LMO2: variants seen among roughly 807,000 people sequenced by gnomAD.
LMO2 encodes the protein LIM domain only 2.
In LMO2, 20 loss-of-function variants were observed where a neutral mutation model predicts 23.2. The observed-to-expected ratio is 0.86, with a 90% CI of 0.61 to 1.25. The LOEUF is 1.25. Among genes scored for constraint, LMO2 ranks in the 50% most tolerant of loss-of-function variants. The pLI is 0.00. For synonymous variants in LMO2, 123 were observed against 130.2 expected (o/e 0.94, Z 0.38); for missense variants, 270 against 315.3 (o/e 0.86, Z 1.09).
chr11:33,879,288 T>C (rs1349057122), intron 2 of LMO2, among the ~76,000 whole-genome samples: 4 of 152,012 alleles, frequency 2.6e-5, no homozygotes, highest in Non-Finnish European at 5.9e-5. Context: ...AATGGAATAA[T>C]ATATTTACAA....
intron 4 of LMO2, chr11:33,865,023 C>T (rs1020177241): frequency 4.1e-5 from 25 of 614,974 alleles, no homozygotes; most frequent in Non-Finnish European, 8.8e-6. Context: ...AGACCTTACT[C>T]CCTAGATGTC....
In LMO2 at chr11:33,859,311, G is replaced by A. The variant is rs1422271485; in HGVS notation, c.*45C>T. 5 of 1,435,424 alleles carry A rather than the reference G, an allele frequency of 3.5e-6. No individual in the cohort carries two copies. In the South Asian group the frequency reaches 4.7e-5, roughly 13 times the overall value. 88.9% of individuals were successfully genotyped at this position (1,435,424 alleles called of 1,614,324 possible). On this transcript the variant is annotated 3_prime_UTR_variant, in exon 6 of 6. Coordinates refer to ENST00000257818, the MANE Select transcript of LMO2 (RefSeq NM_005574.4). Reference sequence around the variant, plus strand: ...TGAAGACGAAGATGCCATGGAGACGGCGTCTTCAGTGAACACCTCCCCAAA... The same window carrying A: ...TGAAGACGAAGATGCCATGGAGACGACGTCTTCAGTGAACACCTCCCCAAA...
chr11:33,872,567 G>A (rs886225339), intron 2 of LMO2, among the ~76,000 whole-genome samples: 3 of 152,110 alleles, frequency 2.0e-5, no homozygotes, highest in African/African-American at 7.2e-5. Flanking sequence ...TAAATTTAAA[G>A]GTGAAATGGG....
chr11:33,879,852 C>T (rs767745377), intron 2 of LMO2, among the ~76,000 whole-genome samples: 1 of 152,130 alleles, frequency 6.6e-6, no homozygotes, highest in Non-Finnish European at 1.5e-5. Context: ...TTAACAAGTA[C>T]TGGTGAGGAT....
chr11:33,890,673 G>A (rs1193657095), intron 1 of LMO2, among the ~76,000 whole-genome samples: 1 of 152,146 alleles, frequency 6.6e-6, no homozygotes, highest in African/African-American at 2.4e-5. Flanking sequence ...TAAAAACCTA[G>A]AGGTGAGTAA....
At chr11:33,861,964 C>A (rs991950770) in intron 5 of LMO2, among the ~76,000 whole-genome samples, 2 of 152,104 alleles carry the variant, frequency 1.3e-5, no homozygotes, top group African/African-American at 4.8e-5. Context: ...CTCTGGGATT[C>A]GGAGATTCTA....
chr11:33,859,440 T>C lies in LMO2; in HGVS notation c.600A>G (p.Val200=). 2.5e-6 allele frequency: 4 copies of C among 1,614,098 alleles called. No homozygotes were observed. Among genetic ancestry groups the C allele is most frequent in the Non-Finnish European group, 3.4e-6 (4 of 1,179,976 alleles). ...KCAACQKHFC[V]GDRYLLINSD... is the part of the protein sequence containing the mutation. ...AGTTGATGAGGAGGTATCTGTCACC[T>C]ACACAGAAATGCTTCTGACAGGCGG... Residue 200 remains valine, a synonymous_variant, in exon 6 of 6, where the codon GTA becomes GTG. Coordinates refer to ENST00000257818, the MANE Select transcript of LMO2 (RefSeq NM_005574.4).
At chr11:33,887,609 A>G (rs1857444078) in intron 1 of LMO2, among the ~76,000 whole-genome samples, 1 of 145,900 alleles carries the variant, frequency 6.9e-6, no homozygotes, top group African/African-American at 2.6e-5. Flanking sequence ...CAGTGGTGAT[A>G]CTGTGGTTCA....
intron 2 of LMO2, chr11:33,870,975 C>T (rs1857004966): frequency 1.3e-6 from 1 of 754,686 alleles, no homozygotes; most frequent in Non-Finnish European, 1.6e-6. Flanking sequence ...AAAATATCTG[C>T]GTTCAGAAGC....
intron 1 of LMO2, among the ~76,000 whole-genome samples, chr11:33,889,435 G>A (rs2133721055): frequency 6.6e-6 from 1 of 152,318 alleles, no homozygotes; most frequent in Non-Finnish European, 1.5e-5. Flanking sequence ...GAGCAGTTCT[G>A]TTGTGCCAGA....
At chr11:33,866,148 G>A (rs1045922316) in intron 4 of LMO2, among the ~76,000 whole-genome samples, 2 of 152,216 alleles carry the variant, frequency 1.3e-5, no homozygotes, top group East Asian at 1.9e-4. Flanking sequence ...TTGGGGACAG[G>A]AGGCTAGGTG....
intron 1 of LMO2, among the ~76,000 whole-genome samples, chr11:33,890,188 T>TGATATCAATCTGGTGATAGATATCAATA (rs1255200143): frequency 1.3e-3 from 204 of 152,088 alleles, no homozygotes; most frequent in African/African-American, 4.7e-3. Context: ...TACAATGTGG[T>TGATATCAATCTGGTGATAGATATCAATA]GATATCAATC....
intron 1 of LMO2, among the ~76,000 whole-genome samples, chr11:33,886,664 T>C (rs181065533): frequency 6.6e-5 from 10 of 152,336 alleles, no homozygotes; most frequent in African/African-American, 1.9e-4. Context: ...GGCATCTGTA[T>C]CCCACAGCTG....
At chr11:33,877,098 G>A (rs76178992) in intron 2 of LMO2, among the ~76,000 whole-genome samples, 9,263 of 152,238 alleles carry the variant, frequency 0.061, 718 homozygotes, top group East Asian at 0.18. Context: ...AGTAAGGTGG[G>A]GTCAACATTC....
chr11:33,866,505 A>G (rs1487815264), intron 4 of LMO2, among the ~76,000 whole-genome samples: 1 of 152,154 alleles, frequency 6.6e-6, no homozygotes, highest in African/African-American at 2.4e-5. Context: ...GCTTGGTGGC[A>G]TGAGCCAGTA....
chr11:33,870,897 G>T, intron 2 of LMO2: 1 of 209,160 alleles, frequency 4.8e-6, no homozygotes, highest in Non-Finnish European at 8.3e-6. Context: ...GAGGGGAAGC[G>T]GGGGAGGCTA....
chr11:33,865,713 T>C (rs981629437), intron 4 of LMO2, among the ~76,000 whole-genome samples: 2 of 152,246 alleles, frequency 1.3e-5, no homozygotes, highest in Non-Finnish European at 2.9e-5. Context: ...CAATTGTTAA[T>C]AGGCTGTGAC....
At position 33,864,099 on chromosome 11, in the gene LMO2, A is replaced by G. The variant is rs1041487854; in HGVS notation, c.464+503T>C. On this transcript the variant is annotated intron_variant, in intron 5 of 5. Transcript: ENST00000257818. The surrounding 1 kb of genome is among the most constrained non-coding windows in gnomAD (Gnocchi z 4.8). ...GCTCTTCGAAGACTGCCTTCCTGCTATGAGTCAATGCTTGGAGCTCCATAT... is the reference window on the plus strand; with the variant it reads ...GCTCTTCGAAGACTGCCTTCCTGCTGTGAGTCAATGCTTGGAGCTCCATAT... Among the ~76,000 whole-genome samples the G allele has an allele frequency of 2.0e-5, 3 of 152,218 alleles. No homozygotes were observed. Among genetic ancestry groups the G allele is most frequent in the Non-Finnish European group, 2.9e-5 (2 of 68,030 alleles).
chr11:33,864,947 G>A lies in LMO2; in HGVS notation c.249-130C>T, dbSNP rs995462725. On this transcript the variant is annotated intron_variant, in intron 4 of 5. Transcript: ENST00000257818. This position sits in a 1 kb window ranked among gnomAD's most constrained non-coding sequence, Gnocchi z 4.8. ...TCAGTGACCTAAGGGAGAAGGGACAGGACAACACATCCCTTGGCCAGACTG... is the reference window on the plus strand; with the variant it reads ...TCAGTGACCTAAGGGAGAAGGGACAAGACAACACATCCCTTGGCCAGACTG... The A allele has an allele frequency of 1.7e-5, 14 of 803,986 alleles. No individual in the cohort carries two copies. The highest frequency in any genetic ancestry group is 2.7e-5 in the Non-Finnish European group (13 of 477,768). The allele number at this position is 803,986 out of a possible 1,614,324, so 49.8% of individuals were successfully genotyped here.
Sources: allele counts gnomAD v4.1 joint callset (sites outside exome capture counted in the v4.1 genomes callset), GRCh38; gene constraint gnomAD v4.1.1; non-coding constraint Gnocchi (gnomAD v3.1); transcripts MANE v1.5; gene names NCBI Gene and HGNC (gene_info 2026-07-23, HGNC 2026-07-21).